Variants in PPP1R9A observed in about 807,000 individuals in gnomAD.
PPP1R9A encodes the protein neurabin-1.
In PPP1R9A, 59 loss-of-function variants were observed where a neutral mutation model predicts 141.9. That is an observed-to-expected ratio of 0.42 (90% confidence interval 0.34 to 0.52). The LOEUF (loss-of-function observed/expected upper bound fraction) is 0.52, where lower values mean the gene tolerates loss of function less well. PPP1R9A is among the 20% of genes least tolerant of loss of function. PPP1R9A has a pLI of 0.10. For missense variants in PPP1R9A, 1,444 were observed against 1,611.9 expected, an observed-to-expected ratio of 0.90 and a Z score of 1.78; for synonymous variants, 500 against 569.7, an observed-to-expected ratio of 0.88 and a Z score of 1.74.
chr7:95,282,112 A>G (rs1228771066), intron 16 of PPP1R9A, among the ~76,000 whole-genome samples: 1 of 141,048 alleles, frequency 7.1e-6, no homozygotes, highest in Non-Finnish European at 1.5e-5. Flanking sequence ...CTGTAATCGC[A>G]GCACTTTGGG....
chr7:95,194,719 CA>C (rs372060355), intron 5 of PPP1R9A, among the ~76,000 whole-genome samples: 19,041 of 114,462 alleles, frequency 0.17, 1,308 homozygotes, highest in Admixed American at 0.21. Context: ...CTTACAATAC[CA>C]AAAAAAAAAA....
At chr7:95,081,624 G>A (rs1815847280) in intron 2 of PPP1R9A, among the ~76,000 whole-genome samples, 1 of 152,146 alleles carries the variant, frequency 6.6e-6, no homozygotes, top group Admixed American at 6.5e-5. Flanking sequence ...CTCCCTGAAA[G>A]GTGCATTAGT....
At chr7:95,227,571 G>T (rs1172254095) in intron 8 of PPP1R9A, among the ~76,000 whole-genome samples, 1 of 152,154 alleles carries the variant, frequency 6.6e-6, no homozygotes, top group Non-Finnish European at 1.5e-5. Context: ...ACACAAGCAT[G>T]CCCATCTCTT....
intron 2 of PPP1R9A, among the ~76,000 whole-genome samples, chr7:94,958,657 C>T (rs951672601): frequency 6.6e-6 from 1 of 151,988 alleles, no homozygotes; most frequent in Non-Finnish European, 1.5e-5. Context: ...AATACAGTTT[C>T]ATTAAGTCAT....
At chr7:95,096,719 C>T (rs1247340951) in intron 2 of PPP1R9A, among the ~76,000 whole-genome samples, 2 of 152,186 alleles carry the variant, frequency 1.3e-5, no homozygotes, top group East Asian at 1.9e-4. Context: ...TCATTCACTG[C>T]TGTATGTAGC....
chr7:95,150,357 C>T (rs1031832886), intron 4 of PPP1R9A, among the ~76,000 whole-genome samples: 1 of 152,186 alleles, frequency 6.6e-6, no homozygotes, highest in African/African-American at 2.4e-5. Context: ...GGCTGGAGTG[C>T]CGTGGCACAA....
At chr7:95,216,030 G>C (rs1275896849) in intron 7 of PPP1R9A, among the ~76,000 whole-genome samples, 2 of 152,136 alleles carry the variant, frequency 1.3e-5, no homozygotes, top group African/African-American at 4.8e-5. Context: ...TGGTGTATTA[G>C]ACATGAAGTC....
At chr7:95,037,194 A>C (rs770285039) in intron 2 of PPP1R9A, 3 of 152,162 alleles carry the variant, frequency 2.0e-5, no homozygotes, top group Non-Finnish European at 2.9e-5. Flanking sequence ...ATGAGCATAT[A>C]GTGGTCCATT....
chr7:94,958,620 G>A (rs1024469580), intron 2 of PPP1R9A, among the ~76,000 whole-genome samples: 1 of 151,962 alleles, frequency 6.6e-6, no homozygotes, highest in East Asian at 1.9e-4. Flanking sequence ...ATAATGAACA[G>A]CCTTATCAAA....
At chr7:95,078,507 G>T (rs1815232203) in intron 2 of PPP1R9A, among the ~76,000 whole-genome samples, 1 of 151,996 alleles carries the variant, frequency 6.6e-6, no homozygotes, top group African/African-American at 2.4e-5. Context: ...GTAATGGGAT[G>T]GCTGGGTCAA....
At chr7:94,929,379 G>C (rs928911457) in intron 2 of PPP1R9A, among the ~76,000 whole-genome samples, 9 of 152,184 alleles carry the variant, frequency 5.9e-5, no homozygotes, top group African/African-American at 2.2e-4. Flanking sequence ...CAAGTTCCAG[G>C]AAACTCCTGG....
chr7:94,926,995 C>T, intron 2 of PPP1R9A, among the ~76,000 whole-genome samples: 1 of 152,088 alleles, frequency 6.6e-6, no homozygotes, highest in Non-Finnish European at 1.5e-5. Context: ...TGGAAAATGT[C>T]TGACAGTTGT....
intron 3 of PPP1R9A, among the ~76,000 whole-genome samples, chr7:95,113,515 A>C (rs1166329676): frequency 3.3e-5 from 5 of 152,208 alleles, no homozygotes; most frequent in Non-Finnish European, 7.3e-5. Context: ...AGCTTAAAAA[A>C]TTCCAGGCCA....
At chr7:95,014,018 G>A (rs1253854639) in intron 2 of PPP1R9A, among the ~76,000 whole-genome samples, 1 of 151,924 alleles carries the variant, frequency 6.6e-6, no homozygotes, top group East Asian at 1.9e-4. Flanking sequence ...TTGAGATAAA[G>A]TTACAGTCAT....
intron 2 of PPP1R9A, among the ~76,000 whole-genome samples, chr7:95,109,142 A>G (rs886942359): frequency 7.9e-5 from 12 of 152,196 alleles, no homozygotes; most frequent in African/African-American, 2.4e-4. Flanking sequence ...ATGTGTGTGT[A>G]TATATATTTT....
Position 95,265,934 on chromosome 7 carries a change from A to G in PPP1R9A, c.2666-2616A>G, listed in dbSNP as rs537669669. On this transcript the variant is annotated intron_variant, in intron 12 of 19. Coordinates refer to ENST00000433360, the MANE Select transcript of PPP1R9A (RefSeq NM_001166160.2). ...GTGTGTGCTCAAGCAGTTTGCACCT[A>G]GTCAGCTAATGTTAAAGCAGATACA... 2.0e-5 allele frequency among the ~76,000 whole-genome samples: 3 copies of G among 152,292 alleles called. No individual in the cohort carries two copies. In the South Asian group the frequency reaches 6.2e-4, roughly 32 times the overall value.
intron 2 of PPP1R9A, among the ~76,000 whole-genome samples, chr7:95,001,361 A>G (rs905869911): frequency 1.4e-4 from 21 of 152,352 alleles, no homozygotes; most frequent in Admixed American, 2.6e-4. Context: ...AAGCTTTTCA[A>G]TGGTGTTTTC....
At chr7:95,255,361 T>C (rs970674621) in intron 12 of PPP1R9A, among the ~76,000 whole-genome samples, 2 of 152,136 alleles carry the variant, frequency 1.3e-5, no homozygotes, top group African/African-American at 2.4e-5. Flanking sequence ...GAAGGCTGGT[T>C]TGCTAAAGGA....
chr7:95,228,180 G>A (rs917722586), intron 8 of PPP1R9A, among the ~76,000 whole-genome samples: 27 of 152,138 alleles, frequency 1.8e-4, no homozygotes, highest in African/African-American at 5.3e-4. Context: ...TTTACTACTC[G>A]GGCAAAATAC....
Sources: allele counts gnomAD v4.1 joint callset (sites outside exome capture counted in the v4.1 genomes callset), GRCh38; gene constraint gnomAD v4.1.1; transcripts MANE v1.5; gene names NCBI Gene and HGNC (gene_info 2026-07-23, HGNC 2026-07-21).